VPS53: variants seen among roughly 807,000 people sequenced by gnomAD.
The protein encoded by VPS53 is VPS53 subunit of GARP complex, also known as vacuolar protein sorting-associated protein 53 homolog.
VPS53 carries 70 observed loss-of-function variants against 107.0 expected under a neutral mutation model. The ratio of observed to expected loss-of-function variants is 0.65; its 90% confidence interval spans 0.54 to 0.80. VPS53 has a LOEUF of 0.80. VPS53 is among the 30% of genes least tolerant of loss of function. The pLI is 0.00. For missense variants in VPS53, 917 were observed against 1,049.4 expected, an observed-to-expected ratio of 0.87 and a Z score of 1.74; for synonymous variants, 409 against 393.3, an observed-to-expected ratio of 1.04 and a Z score of -0.47.
intron 12 of VPS53, among the ~76,000 whole-genome samples, chr17:598,214 C>T (rs987984491): frequency 7.7e-4 from 118 of 152,314 alleles, no homozygotes; most frequent in Non-Finnish European, 1.4e-3. Flanking sequence ...CCGCCAGCCT[C>T]GGCCTCCCGA....
At chr17:604,922 C>T (rs1410372293) in intron 11 of VPS53, among the ~76,000 whole-genome samples, 1 of 152,168 alleles carries the variant, frequency 6.6e-6, no homozygotes, top group Non-Finnish European at 1.5e-5. Context: ...GACAGGCCAG[C>T]CTCCGCCCTC....
chr17:623,460 A>G lies in VPS53; in HGVS notation c.1116+73T>C, dbSNP rs1969556278. ...ACCGAAGCCAATGGATAGAGTCACC[A>G]TACAGTGAAACCCTGAATCCCAACC... On this transcript the variant is annotated intron_variant, in intron 11 of 21. Transcript: ENST00000437048. The G allele has an allele frequency of 3.2e-6, 5 of 1,539,412 alleles. No individual in the cohort carries two copies. The African/African-American group carries it at 4.1e-5, about 13-fold the overall frequency.
chr17:672,109 GACACACACACAC>G (rs10630363), intron 4 of VPS53, among the ~76,000 whole-genome samples: 180 of 108,858 alleles, frequency 1.7e-3, no homozygotes, highest in East Asian at 1.4e-3. Flanking sequence ...TGATGAGGGT[GACACACACACAC>G]ACACACACAC....
intron 6 of VPS53, among the ~76,000 whole-genome samples, chr17:654,956 G>C: frequency 6.6e-6 from 1 of 152,258 alleles, no homozygotes; most frequent in South Asian, 2.1e-4. Flanking sequence ...CTGCTCACAG[G>C]AGAGTGGACC....
At chr17:712,060 C>T (rs1973661667) in intron 1 of VPS53, among the ~76,000 whole-genome samples, 1 of 151,946 alleles carries the variant, frequency 6.6e-6, no homozygotes. Flanking sequence ...TTGTGATCCA[C>T]CCGCCTCGGC....
chr17:704,694 C>CATATGAT (rs1973334106), intron 2 of VPS53, among the ~76,000 whole-genome samples: 1 of 152,060 alleles, frequency 6.6e-6, no homozygotes, highest in South Asian at 2.1e-4. Flanking sequence ...TTATCATATA[C>CATATGAT]CTGGGGCATA....
chr17:552,607 T>C (rs1384737418), intron 16 of VPS53: 1 of 154,864 alleles, frequency 6.5e-6, no homozygotes, highest in African/African-American at 2.4e-5. Flanking sequence ...TACTTTATAC[T>C]TTAAAACACT....
chr17:515,441 G>A lies in VPS53; in HGVS notation c.*3687C>T, dbSNP rs1192406966. On this transcript the variant is annotated 3_prime_UTR_variant, in exon 22 of 22. Transcript: ENST00000437048. ...AGACAGGGTTTCACCATGTCGGCCAGGCTGGTCTCGAACTCCTGACCTCAC... is the reference window on the plus strand; with the variant it reads ...AGACAGGGTTTCACCATGTCGGCCAAGCTGGTCTCGAACTCCTGACCTCAC... 6.6e-6 allele frequency: 1 copy of A among 152,152 alleles called. No homozygotes were observed. The highest frequency in any genetic ancestry group is 1.9e-4 in the East Asian group (1 of 5,182). The allele number at this position is 152,152 out of a possible 1,614,324, so 9.4% of individuals were successfully genotyped here.
rs141627194 is a variant in VPS53, at chr17:525,952, G to A, written c.2086-4214C>T. On this transcript the variant is annotated intron_variant, in intron 19 of 21. Transcript: ENST00000437048. Reference sequence around the variant, plus strand: ...GTGAAGGTTGCAGTGAGCCGAGATCGCGCCATTGTACTCCAGACTGGGCAA... The same window carrying A: ...GTGAAGGTTGCAGTGAGCCGAGATCACGCCATTGTACTCCAGACTGGGCAA... Among the ~76,000 whole-genome samples the A allele has an allele frequency of 5.0e-3, 707 of 141,318 alleles. 8 individuals carry two copies. The highest frequency in any genetic ancestry group is 0.018 in the African/African-American group (674 of 37,326). The allele number at this position is 141,318 out of a possible 152,430, so 92.7% of individuals were successfully genotyped here. A position where few individuals can be genotyped will look rare whatever the true frequency, so the allele number is the denominator to read the frequency against.
rs373862952 is a variant in VPS53, at chr17:562,947, T to C, written c.1314-202A>G. On this transcript the variant is annotated intron_variant, in intron 13 of 21. Transcript: ENST00000437048. ...AACAGCAGTAATAAAATCTGACATATGAGATTCTAATCTCTAAGTCGATTG... is the reference window on the plus strand; with the variant it reads ...AACAGCAGTAATAAAATCTGACATACGAGATTCTAATCTCTAAGTCGATTG... 1.0e-3 allele frequency among the ~76,000 whole-genome samples: 154 copies of C among 152,290 alleles called. 3 individuals are homozygous for C. Among genetic ancestry groups the C allele is most frequent in the African/African-American group, 3.7e-3 (154 of 41,562 alleles).
At chr17:535,335 C>T (rs748505579) in intron 18 of VPS53, among the ~76,000 whole-genome samples, 2 of 151,302 alleles carry the variant, frequency 1.3e-5, no homozygotes, top group Non-Finnish European at 3.0e-5. Context: ...CTAAGTCAAC[C>T]GACTCCTCCT....
intron 19 of VPS53, chr17:532,563 C>T: frequency 1.6e-6 from 1 of 639,678 alleles, no homozygotes; most frequent in Non-Finnish European, 2.2e-6. Context: ...CCGGCCCAGC[C>T]ACTTCTTCTT....
chr17:692,743 C>CT (rs1597493960), intron 4 of VPS53, among the ~76,000 whole-genome samples: 1 of 152,364 alleles, frequency 6.6e-6, no homozygotes, highest in East Asian at 1.9e-4. Context: ...TGGCTCACGC[C>CT]TGTCATCCCA....
intron 12 of VPS53, among the ~76,000 whole-genome samples, chr17:599,265 T>C (rs1045846967): frequency 1.3e-5 from 2 of 152,040 alleles, no homozygotes; most frequent in African/African-American, 2.4e-5. Flanking sequence ...CAACAGCTCA[T>C]TGAGAACGGG....
At chr17:647,420 G>A (rs1970754589) in intron 7 of VPS53, among the ~76,000 whole-genome samples, 1 of 152,210 alleles carries the variant, frequency 6.6e-6, no homozygotes, top group Non-Finnish European at 1.5e-5. Context: ...CTAGGATGTA[G>A]AAAATGCAGA....
intron 8 of VPS53, among the ~76,000 whole-genome samples, chr17:629,619 C>T (rs1352114797): frequency 6.6e-6 from 1 of 151,574 alleles, no homozygotes; most frequent in Non-Finnish European, 1.5e-5. Flanking sequence ...AAAAATTAGC[C>T]AGGCGTGGTG....
At chr17:572,031 G>C (rs1271427111) in intron 13 of VPS53, among the ~76,000 whole-genome samples, 1 of 150,566 alleles carries the variant, frequency 6.6e-6, no homozygotes, top group Admixed American at 6.6e-5. Context: ...GAGCCCCTCT[G>C]CCTGGCTGCC....
chr17:702,267 CT>C, intron 2 of VPS53, among the ~76,000 whole-genome samples: 1 of 152,200 alleles, frequency 6.6e-6, no homozygotes, highest in East Asian at 1.9e-4. Context: ...GGAAAGAAGA[CT>C]GATTGAGTCT....
At chr17:591,110 A>G (rs1173274227) in intron 12 of VPS53, among the ~76,000 whole-genome samples, 1 of 151,902 alleles carries the variant, frequency 6.6e-6, no homozygotes, top group Non-Finnish European at 1.5e-5. Flanking sequence ...GTTTTGGGAG[A>G]GTGTATGTGT....
Sources: gnomAD v4.1 joint callset for allele counts (sites outside exome capture counted in the v4.1 genomes callset) on GRCh38, gnomAD v4.1.1 for gene constraint, MANE v1.5 for transcripts, NCBI Gene and HGNC (gene_info 2026-07-23, HGNC 2026-07-21) for gene names.